Variants in ASIP observed in about 807,000 individuals in gnomAD.
The protein encoded by ASIP is agouti signaling protein, also known as agouti-signaling protein.
A neutral mutation model predicts 10.3 loss-of-function variants in ASIP; 11 were observed. The ratio of observed to expected loss-of-function variants is 1.07; its 90% CI spans 0.68 to 1.78. ASIP has a LOEUF of 1.78. ASIP is among the 40% of genes most tolerant of loss of function. The pLI is 0.00. For synonymous variants in ASIP, 70 were observed against 70.8 expected (o/e 0.99, Z 0.06); for missense variants, 180 against 169.2 (o/e 1.06, Z -0.35).
intron 1 of ASIP, among the ~76,000 whole-genome samples, chr20:34,258,941 G>T: frequency 7.1e-6 from 1 of 141,394 alleles, no homozygotes; most frequent in East Asian, 2.0e-4. Flanking sequence ...AACAAATATG[G>T]CTGAGTGGTG....
chr20:34,238,214 A>G (rs1344103269), upstream of ASIP, among the ~76,000 whole-genome samples: 2 of 152,110 alleles, frequency 1.3e-5, no homozygotes, highest in Non-Finnish European at 2.9e-5. Flanking sequence ...GTCTTAATCA[A>G]TGTTTCTTCA....
chr20:34,239,346 A>T (rs2035253045), upstream of ASIP, among the ~76,000 whole-genome samples: 1 of 151,936 alleles, frequency 6.6e-6, no homozygotes, highest in Admixed American at 6.6e-5. Context: ...CCTCCCAAGT[A>T]GCTGGGACTA....
At chr20:34,258,997 G>A (rs1274318055) in intron 1 of ASIP, among the ~76,000 whole-genome samples, 1 of 147,048 alleles carries the variant, frequency 6.8e-6, no homozygotes, top group Non-Finnish European at 1.5e-5. Flanking sequence ...GAGCCCAGGA[G>A]TTCAAGACCA....
intron 1 of ASIP, among the ~76,000 whole-genome samples, chr20:34,218,326 G>T (rs1252293435): frequency 6.6e-6 from 1 of 152,146 alleles, no homozygotes; most frequent in East Asian, 1.9e-4. Context: ...AGCAGGATAT[G>T]ATATTTGGAG....
chr20:34,255,558 ATAGAT>A (rs1305219313), intron 1 of ASIP, among the ~76,000 whole-genome samples: 1 of 152,228 alleles, frequency 6.6e-6, no homozygotes, highest in African/African-American at 2.4e-5. Context: ...TATACTAGAA[ATAGAT>A]TATAGATGTG....
At chr20:34,235,981 A>AAGGAAGGAGGGGGGAGGGAGGGAAGC (rs796476399) in intron 1 of ASIP, among the ~76,000 whole-genome samples, 1 of 99,422 alleles carries the variant, frequency 1.0e-5, no homozygotes, top group African/African-American at 9.7e-5. Context: ...GGGAGGGAAG[A>AAGGAAGGAGGGGGGAGGGAGGGAAGC]AGGAAAGAAG....
rs1336922136 is a variant in ASIP, at chr20:34,258,685, A to ATATATATATATATATATATATG, written c.-10-1674_-10-1673insTATATATATATATATGTATATA. 6.2e-4 allele frequency among the ~76,000 whole-genome samples: 46 copies of ATATATATATATATATATATATG among 74,470 alleles called. 2 individuals carry two copies. Among genetic ancestry groups the ATATATATATATATATATATATG allele is most frequent in the African/African-American group, 3.9e-3 (45 of 11,586 alleles). 48.9% of individuals were successfully genotyped at this position (74,470 alleles called of 152,430 possible). ...TAGAAGGGGGATGCCATATATATAT[A>ATATATATATATATATATATATG]TATATACATACTATATATATATATT... On this transcript the variant is annotated intron_variant, in intron 1 of 3. Transcript: ENST00000374954.
chr20:34,189,243 TTTG>T, the ASIP span, among the ~76,000 whole-genome samples: 2 of 148,884 alleles, frequency 1.3e-5, no homozygotes, highest in African/African-American at 5.0e-5. Context: ...CCCCCTAAGG[TTTG>T]TTTTCTTTTT....
chr20:34,265,993 A>G (rs2424987), intron 3 of ASIP, among the ~76,000 whole-genome samples: 38,464 of 151,880 alleles, frequency 0.25, 8,102 homozygotes, highest in African/African-American at 0.58. Flanking sequence ...CATTGTTAGT[A>G]AATTCTGGGT....
chr20:34,204,003 C>T (rs984183535), intron 1 of ASIP, among the ~76,000 whole-genome samples: 22 of 152,106 alleles, frequency 1.4e-4, no homozygotes, highest in African/African-American at 1.2e-4. Flanking sequence ...GGATTACAGG[C>T]GTGAGCCACC....
chr20:34,245,697 A>G (rs1295474402), intron 1 of ASIP, among the ~76,000 whole-genome samples: 1 of 151,842 alleles, frequency 6.6e-6, no homozygotes, highest in Non-Finnish European at 1.5e-5. Context: ...CAAATGACCA[A>G]AATTTTTTAT....
In ASIP at chr20:34,222,937, G is replaced by T. The variant is rs1377089684; in HGVS notation, c.-11+28177G>T. On this transcript the variant is annotated intron_variant, in intron 1 of 3. Coordinates refer to the ASIP transcript ENST00000568305. ...AGTCTCGTTCACTCAGTGCTCAATG[G>T]TGCCCAGGCTGGAGTGCAGTGGCGT... Among the ~76,000 whole-genome samples, 5 of 152,218 alleles carry T rather than the reference G, an allele frequency of 3.3e-5. No homozygotes were observed. The East Asian group carries it at 9.7e-4, about 29-fold the overall frequency.
At chr20:34,196,157 T>C (rs1192955219) in intron 1 of ASIP, among the ~76,000 whole-genome samples, 1 of 150,776 alleles carries the variant, frequency 6.6e-6, no homozygotes, top group African/African-American at 2.5e-5. Context: ...AGAACTCTCA[T>C]TGAAAAGGGA....
At chr20:34,245,302 C>G (rs1184522962) in intron 1 of ASIP, among the ~76,000 whole-genome samples, 1 of 138,026 alleles carries the variant, frequency 7.2e-6, no homozygotes, top group Non-Finnish European at 1.5e-5. Context: ...CCATTGCACT[C>G]GAGCCTGGGC....
chr20:34,262,971 G>A, intron 3 of ASIP, 78 bp downstream of exon 3: 1 of 1,523,062 alleles, frequency 6.6e-7, no homozygotes, highest in Non-Finnish European at 9.0e-7. Context: ...CCAACCTCTG[G>A]CTAGGAACTA....
chr20:34,235,999 GGAGAAAGA>G (rs2035201351), intron 1 of ASIP, among the ~76,000 whole-genome samples: 1 of 121,352 alleles, frequency 8.2e-6, no homozygotes, highest in Non-Finnish European at 1.6e-5. Flanking sequence ...AAGGAAGGAA[GGAGAAAGA>G]GAGAAAGAGA....
intron 1 of ASIP, among the ~76,000 whole-genome samples, chr20:34,204,009 C>G (rs2034918216): frequency 6.6e-6 from 1 of 152,178 alleles, no homozygotes; most frequent in Admixed American, 6.5e-5. Context: ...CAGGCGTGAG[C>G]CACCACGCCC....
At chr20:34,246,390 G>GGTT in intron 1 of ASIP, 3 of 1,407,816 alleles carry the variant, frequency 2.1e-6, no homozygotes, top group Non-Finnish European at 3.0e-6. Context: ...TGTTTACAAT[G>GGTT]AGCAACATCA....
intron 1 of ASIP, among the ~76,000 whole-genome samples, chr20:34,256,401 C>G (rs952840469): frequency 1.3e-5 from 2 of 152,178 alleles, no homozygotes; most frequent in African/African-American, 4.8e-5. Context: ...TACGATCTCT[C>G]GTCTCCACAC....
Sources: allele counts gnomAD v4.1 joint callset (sites outside exome capture counted in the v4.1 genomes callset), GRCh38; gene constraint gnomAD v4.1.1; transcripts MANE v1.5; gene names NCBI Gene and HGNC (gene_info 2026-07-23, HGNC 2026-07-21).